The following GABRA3 variants were observed in gnomAD, a reference collection of about 807,000 sequenced individuals.
GABRA3 encodes gamma-aminobutyric acid receptor subunit alpha-3.
A neutral mutation model predicts 30.1 loss-of-function variants in GABRA3; 10 were observed. The observed-to-expected ratio is 0.33, with a 90% CI of 0.20 to 0.56. GABRA3 has a LOEUF of 0.56. GABRA3 is among the 20% of genes least tolerant of loss of function. GABRA3 has a pLI of 0.89. For synonymous variants in GABRA3, 151 were observed against 146.8 expected (o/e 1.03, Z -0.21); for missense variants, 233 against 392.0 (o/e 0.59, Z 3.42).
chrX:152,283,026 T>A (rs147864873), intron 4 of GABRA3, among the ~76,000 whole-genome samples: 2,442 of 111,572 alleles, frequency 0.022, 58 homozygotes, highest in African/African-American at 0.075. Flanking sequence ...TGAGTATGGT[T>A]GTCTCTGATG....
chrX:152,253,666 T>A (rs1054672685), intron 5 of GABRA3, among the ~76,000 whole-genome samples: 3 of 111,879 alleles, frequency 2.7e-5, no homozygotes, highest in African/African-American at 9.7e-5. Context: ...TCCAGTCTTT[T>A]TACCTTCAAA....
Position 152,168,309 on chromosome X carries a change from G to T in GABRA3, c.1398C>A (p.Leu466=). 8.3e-7 allele frequency: 1 copy of T among 1,211,689 alleles called. No homozygotes were observed. The change falls in exon 10 of 10, where the codon CTC becomes CTA. Residue 466 remains leucine (L), a synonymous_variant. Coordinates refer to ENST00000370314, the MANE Select transcript of GABRA3 (RefSeq NM_000808.4). The part of the protein sequence containing the change: ...DKISRIIFPV[L]FAIFNLVYWA... The stretch of plus-strand genomic sequence containing the variant: ...AATAGACCAGATTGAATATGGCAAA[G>T]AGCACAGGAAAGATGATGCGGGAAA...
At chrX:152,316,823 A>G (rs983701823) in intron 3 of GABRA3, among the ~76,000 whole-genome samples, 3 of 112,094 alleles carry the variant, frequency 2.7e-5, no homozygotes, top group Non-Finnish European at 5.6e-5. Flanking sequence ...ATAATTCACC[A>G]TTACCAAGCC....
chrX:152,380,153 C>T (rs1345750767), intron 1 of GABRA3, among the ~76,000 whole-genome samples: 1 of 111,711 alleles, frequency 9.0e-6, no homozygotes, highest in Non-Finnish European at 1.9e-5. Context: ...ATATACAATA[C>T]ATTATTACTG....
At chrX:152,175,409 C>T (rs1037360012) in intron 9 of GABRA3, among the ~76,000 whole-genome samples, 13 of 111,084 alleles carry the variant, frequency 1.2e-4, no homozygotes, top group Non-Finnish European at 1.9e-4. Flanking sequence ...ATATTTTCTG[C>T]GTCTACAATG....
intron 1 of GABRA3, among the ~76,000 whole-genome samples, chrX:152,442,014 C>A (rs2098755552): frequency 9.0e-6 from 1 of 111,083 alleles, no homozygotes; most frequent in Admixed American, 9.6e-5. Context: ...TGATAAAGGA[C>A]CCCATAAACA....
At chrX:152,332,884 G>C (rs1940184969) in intron 3 of GABRA3, among the ~76,000 whole-genome samples, 1 of 112,285 alleles carries the variant, frequency 8.9e-6, no homozygotes, top group African/African-American at 3.2e-5. Flanking sequence ...TCTCTTTGGA[G>C]GCTTGGGAAT....
At chrX:152,261,387 C>T (rs766201863) in intron 4 of GABRA3, among the ~76,000 whole-genome samples, 16 of 111,832 alleles carry the variant, frequency 1.4e-4, no homozygotes, top group Non-Finnish European at 2.1e-4. Context: ...AAAGTTTCAT[C>T]GGAGACAAGG....
chrX:152,328,755 C>A (rs1411277930), intron 3 of GABRA3, among the ~76,000 whole-genome samples: 1 of 111,507 alleles, frequency 9.0e-6, no homozygotes, highest in South Asian at 3.8e-4. Context: ...ACTGAATGGG[C>A]AAAAACTGGA....
intron 3 of GABRA3, among the ~76,000 whole-genome samples, chrX:152,341,934 G>T (rs1482630671): frequency 1.8e-5 from 2 of 109,644 alleles, no homozygotes; most frequent in East Asian, 5.8e-4. Context: ...ATGCAGTGGC[G>T]TGATCTCAGG....
chrX:152,344,207 A>T (rs1259417430), intron 3 of GABRA3, among the ~76,000 whole-genome samples: 1 of 111,994 alleles, frequency 8.9e-6, no homozygotes, highest in African/African-American at 3.2e-5. Context: ...ATAAGAAAGT[A>T]CTCAAAAAAT....
chrX:152,322,844 CTTTTTTT>C (rs1172827692), intron 3 of GABRA3, among the ~76,000 whole-genome samples: 29 of 61,281 alleles, frequency 4.7e-4, no homozygotes, highest in Admixed American at 3.6e-3. Context: ...AAAGTCTACT[CTTTTTTT>C]TTTTTTTTTT....
At chrX:152,213,402 G>C (rs1017268913) in intron 6 of GABRA3, among the ~76,000 whole-genome samples, 2 of 111,107 alleles carry the variant, frequency 1.8e-5, no homozygotes, top group Non-Finnish European at 3.8e-5. Context: ...TATAGTAACA[G>C]AGTGATGCAT....
At chrX:152,207,675 C>G (rs1363107998) in intron 7 of GABRA3, among the ~76,000 whole-genome samples, 1 of 111,762 alleles carries the variant, frequency 8.9e-6, no homozygotes, top group Non-Finnish European at 1.9e-5. Context: ...GCTCTTCCCC[C>G]ACCATGGCCT....
chrX:152,390,800 A>T (rs1929460069), intron 1 of GABRA3, among the ~76,000 whole-genome samples: 1 of 111,593 alleles, frequency 9.0e-6, no homozygotes, highest in South Asian at 3.7e-4. Context: ...ATTATTTAGA[A>T]CTTATTACAT....
At chrX:152,278,294 G>C (rs1335937828) in intron 4 of GABRA3, among the ~76,000 whole-genome samples, 3 of 95,345 alleles carry the variant, frequency 3.1e-5, no homozygotes, top group Non-Finnish European at 6.2e-5. Flanking sequence ...AGTGTGTGAT[G>C]TTCCCCTTCC....
rs775556083 is a variant in GABRA3, at chrX:152,242,158, G to C, written c.551+13620C>G. Among the ~76,000 whole-genome samples the C allele has an allele frequency of 6.3e-5, 7 of 111,666 alleles. No homozygotes were observed. The South Asian group carries it at 2.3e-3, about 36-fold the overall frequency. ...CAGTCAATTGGTTTTCATAAAAGATGCCAAGGACACACTATGGGGGAAAGA... is the reference window on the plus strand; with the variant it reads ...CAGTCAATTGGTTTTCATAAAAGATCCCAAGGACACACTATGGGGGAAAGA... On this transcript the variant is annotated intron_variant, in intron 5 of 9. Coordinates refer to ENST00000370314, the MANE Select transcript of GABRA3 (RefSeq NM_000808.4).
chrX:152,382,286 C>A (rs929864037), intron 1 of GABRA3, among the ~76,000 whole-genome samples: 2 of 112,122 alleles, frequency 1.8e-5, no homozygotes, highest in African/African-American at 6.5e-5. Context: ...ACAACAGATG[C>A]TGGAGAGGAT....
At chrX:152,256,604 C>T (rs1268995675) in intron 4 of GABRA3, among the ~76,000 whole-genome samples, 2 of 111,384 alleles carry the variant, frequency 1.8e-5, no homozygotes, top group Admixed American at 9.5e-5. Flanking sequence ...TGCTAATAAA[C>T]GTGAAGAAAA....
Sources: allele counts gnomAD v4.1 joint callset (sites outside exome capture counted in the v4.1 genomes callset), GRCh38; gene constraint gnomAD v4.1.1; transcripts MANE v1.5; gene names NCBI Gene and HGNC (gene_info 2026-07-23, HGNC 2026-07-21).